Variants in SYNE1 observed in about 807,000 individuals in gnomAD.
SYNE1 encodes the protein spectrin repeat containing nuclear envelope protein 1.
Under a neutral mutation model 1,111.0 loss-of-function variants are expected in SYNE1, and 616 were observed. That is an observed-to-expected ratio of 0.55 (90% CI 0.52 to 0.59). SYNE1 has a LOEUF of 0.59. Ranked by LOEUF, SYNE1 falls within the 20% of genes least tolerant of loss-of-function variation. The pLI is 0.00. For synonymous variants in SYNE1, 3,855 were observed against 3,825.8 expected (o/e 1.01, Z -0.28); for missense variants, 10,006 against 10,417.0 (o/e 0.96, Z 1.72).
At chr6:152,187,081 T>G (rs952123157) in intron 128 of SYNE1, among the ~76,000 whole-genome samples, 6 of 152,260 alleles carry the variant, frequency 3.9e-5, no homozygotes, top group Non-Finnish European at 5.9e-5. Flanking sequence ...AATTCCTCAT[T>G]GTGTTCACTG....
At chr6:152,576,307 C>G (rs1032773209) in intron 3 of SYNE1, among the ~76,000 whole-genome samples, 2 of 152,184 alleles carry the variant, frequency 1.3e-5, no homozygotes, top group Non-Finnish European at 2.9e-5. Context: ...AATACTAGCA[C>G]ATAGCACAGT....
rs1588038486 is a variant in SYNE1, at chr6:152,217,170, A to G, written c.22191+1087T>C. Reference sequence around the variant, plus strand: ...AGCACTTTGGGAGGCTGAGGCGGGCAGATCACAAGGTCAGGAGATTGAGAC... The same window carrying G: ...AGCACTTTGGGAGGCTGAGGCGGGCGGATCACAAGGTCAGGAGATTGAGAC... On this transcript the variant is annotated intron_variant, in intron 121 of 145. Transcript: ENST00000367255. 3.4e-5 allele frequency among the ~76,000 whole-genome samples: 5 copies of G among 147,494 alleles called. No homozygotes were observed. The South Asian group carries it at 1.1e-3, about 32-fold the overall frequency.
At chr6:152,224,338 A>G (rs1210870952) in intron 117 of SYNE1, among the ~76,000 whole-genome samples, 156 bp downstream of exon 117, 6 of 152,242 alleles carry the variant, frequency 3.9e-5, no homozygotes, top group African/African-American at 1.2e-4. Flanking sequence ...TTGCTCAAGT[A>G]ACAATAACAC....
intron 73 of SYNE1, among the ~76,000 whole-genome samples, chr6:152,345,574 T>C (rs1364336355): frequency 9.8e-6 from 1 of 101,672 alleles, no homozygotes; most frequent in Admixed American, 1.1e-4. Flanking sequence ...CCTTTGAAGG[T>C]GAATTTTTTT....
rs780574537 is a variant in SYNE1 at position 152,122,615 on chromosome 6, C to T, written c.26215G>A (p.Gly8739Ser). 20 of 1,614,024 alleles carry T rather than the reference C, an allele frequency of 1.2e-5. 1 individual carries two copies. The highest frequency in any genetic ancestry group is 6.6e-5 in the South Asian group (6 of 91,090). Residue 8739 changes from glycine (G) to serine (S), a missense_variant, in exon 146 of 146, where the codon GGC becomes AGC. Physicochemically the swap from Gly to Ser is moderately conservative, Grantham distance 56 (BLOSUM62 0). Around this residue, in one of 7 missense-constraint regions of SYNE1, gnomAD observed 761 missense variants for 795.5 expected, o/e 0.96. Coordinates refer to ENST00000367255, the MANE Select transcript of SYNE1 (RefSeq NM_182961.4). ...GCTCGGAGGACTCTGAACAGGAAGC[C>T]GCGGCCGGACCGACCTGGCCCTGGC... is the stretch of plus-strand genomic sequence containing the variant. ...SEPGPGRSGR[G>S]FLFRVLRAAL...
intron 105 of SYNE1, among the ~76,000 whole-genome samples, chr6:152,247,623 G>C (rs1169251250): frequency 6.6e-6 from 1 of 150,862 alleles, no homozygotes; most frequent in East Asian, 1.9e-4. Context: ...CCAACACTTT[G>C]GGAGGCTGAG....
chr6:152,355,187 TAC>T (rs371031930), intron 66 of SYNE1, among the ~76,000 whole-genome samples: 1 of 151,810 alleles, frequency 6.6e-6, no homozygotes, highest in African/African-American at 2.4e-5. Context: ...ATAATCAACA[TAC>T]ACACACACAC....
chr6:152,258,304 A>C (rs1462602932), intron 101 of SYNE1, among the ~76,000 whole-genome samples: 2 of 152,220 alleles, frequency 1.3e-5, no homozygotes, highest in East Asian at 3.8e-4. Context: ...ATATGCTGAA[A>C]GGATTGGTTA....
intron 107 of SYNE1, among the ~76,000 whole-genome samples, chr6:152,240,378 G>C (rs1419601344): frequency 1.4e-4 from 22 of 152,132 alleles, no homozygotes; most frequent in Admixed American, 1.4e-3. Context: ...GAACTTCTAG[G>C]ATATTTGCGT....
chr6:152,614,638 T>C (rs1294423273), intron 3 of SYNE1, among the ~76,000 whole-genome samples: 2 of 152,180 alleles, frequency 1.3e-5, no homozygotes, highest in East Asian at 1.9e-4. Context: ...ACTGGGTATA[T>C]ACCCAAAGGA....
rs1445641500 is a variant in SYNE1 at position 152,236,822 on chromosome 6, A to G, written c.20194T>C (p.Tyr6732His). Residue 6732 changes from tyrosine to histidine, a missense_variant, in exon 109 of 146, where the codon TAC becomes CAC. Transcript: ENST00000367255. ...TGGCGGCTTGTAACACCAACCTGGT[A>G]GAGTGTTATGCGGTCAATAAGCCTG... is the stretch of plus-strand genomic sequence containing the variant. ...EDRLIDRITLYQHLKSSLNEY... is the reference protein window; with the variant it reads ...EDRLIDRITLHQHLKSSLNEY... 1 of 1,614,058 alleles carries G rather than the reference A, an allele frequency of 6.2e-7. No homozygotes were observed. The highest frequency in any genetic ancestry group is 1.3e-5 in the African/African-American group (1 of 74,934).
chr6:152,505,557 G>A (rs891815771), intron 8 of SYNE1, among the ~76,000 whole-genome samples, 160 bp from the exon 9 acceptor site: 1 of 152,054 alleles, frequency 6.6e-6, no homozygotes, highest in South Asian at 2.1e-4. Flanking sequence ...AAATTTTTAG[G>A]GGGCAACAAG....
intron 98 of SYNE1, chr6:152,277,831 C>T (rs1377684732): frequency 1.9e-6 from 1 of 533,962 alleles, no homozygotes; most frequent in Non-Finnish European, 3.4e-6. Flanking sequence ...CTCATTGTTA[C>T]TTTCATGTCA....
chr6:152,156,116 G>A lies in SYNE1; in HGVS notation c.23791-19C>T, dbSNP rs2061333281. The A allele has an allele frequency of 1.2e-6, 2 of 1,613,850 alleles. No individual in the cohort carries two copies. Among genetic ancestry groups the A allele is most frequent in the South Asian group, 2.2e-5 (2 of 91,050 alleles). ...GAAGCTCCTGCAGGGGAACGTAACA[G>A]GCTTTATTCAACAATTACATGTATA... On this transcript the variant is annotated intron_variant, in intron 131 of 145. Transcript: ENST00000367255.
chr6:152,373,916 G>A (rs2097232871), intron 58 of SYNE1, among the ~76,000 whole-genome samples: 1 of 152,232 alleles, frequency 6.6e-6, no homozygotes, highest in Non-Finnish European at 1.5e-5. Flanking sequence ...CTGCCGAAGT[G>A]AAAGAGTAAA....
chr6:152,211,613 A>T, intron 123 of SYNE1, 25 bp from the exon 124 acceptor site: 5 of 1,593,264 alleles, frequency 3.1e-6, no homozygotes, highest in Non-Finnish European at 4.3e-6. Flanking sequence ...AAAGAAGAAC[A>T]TACTTTAGAG....
chr6:152,519,913 T>C (rs1365633553), intron 6 of SYNE1, among the ~76,000 whole-genome samples: 1 of 152,158 alleles, frequency 6.6e-6, no homozygotes, highest in African/African-American at 2.4e-5. Flanking sequence ...ATGACATCAC[T>C]TTCTTGGGAC....
chr6:152,500,675 T>C (rs1448929150), intron 10 of SYNE1, among the ~76,000 whole-genome samples: 1 of 151,902 alleles, frequency 6.6e-6, no homozygotes, highest in African/African-American at 2.4e-5. Context: ...ATTGACCAGG[T>C]GTGGTGGCTC....
chr6:152,317,341 C>A (rs1241939762), intron 86 of SYNE1, among the ~76,000 whole-genome samples: 1 of 151,764 alleles, frequency 6.6e-6, no homozygotes, highest in African/African-American at 2.4e-5. Flanking sequence ...CCACCTCAGC[C>A]TCCCACGTAG....
Sources: gnomAD v4.1 joint callset for allele counts (sites outside exome capture counted in the v4.1 genomes callset) on GRCh38, gnomAD v4.1.1 for gene constraint, gnomAD v4.1.1 regional missense constraint, MANE v1.5 for transcripts, NCBI Gene and HGNC (gene_info 2026-07-23, HGNC 2026-07-21) for gene names.